The following EFCAB8 variants were observed in gnomAD, a reference collection of about 807,000 sequenced individuals.
EFCAB8 encodes EF-hand calcium-binding domain-containing protein 8.
A neutral mutation model predicts 116.3 loss-of-function variants in EFCAB8; 100 were observed. The ratio of observed to expected loss-of-function variants is 0.86; its 90% CI spans 0.73 to 1.02. EFCAB8 has a LOEUF of 1.02. Among genes scored for constraint, EFCAB8 ranks in the 50% least tolerant of loss-of-function variants. The probability of loss-of-function intolerance (pLI) is 0.00; values close to 1 mark genes in which losing one functional copy is unlikely to be tolerated. For missense variants in EFCAB8, 1,320 were observed against 1,416.9 expected, an observed-to-expected ratio of 0.93 and a Z score of 1.10; for synonymous variants, 558 against 567.9, an observed-to-expected ratio of 0.98 and a Z score of 0.25.
chr20:32,944,414 G>A (rs1988516317), intron 23 of EFCAB8, among the ~76,000 whole-genome samples: 1 of 151,974 alleles, frequency 6.6e-6, no homozygotes, highest in Non-Finnish European at 1.5e-5. Flanking sequence ...GCAGTGAGCT[G>A]AGATCATGTC....
intron 11 of EFCAB8, among the ~76,000 whole-genome samples, chr20:32,905,750 A>T (rs1319169486): frequency 6.7e-6 from 1 of 149,044 alleles, no homozygotes; most frequent in Non-Finnish European, 1.5e-5. Flanking sequence ...ACAGAGTGAG[A>T]CTCCATCTCA....
intron 23 of EFCAB8, among the ~76,000 whole-genome samples, chr20:32,953,141 G>A (rs1006918751): frequency 6.6e-6 from 1 of 152,126 alleles, no homozygotes; most frequent in Non-Finnish European, 1.5e-5. Flanking sequence ...ATTGTAACAT[G>A]TGACAAGATA....
At chr20:32,893,541 C>T (rs946679969) in intron 9 of EFCAB8, among the ~76,000 whole-genome samples, 12 of 152,142 alleles carry the variant, frequency 7.9e-5, no homozygotes, top group Non-Finnish European at 1.5e-4. Context: ...GGAGGCTGTG[C>T]GGGTGCGGTC....
rs1984973665 is a variant in EFCAB8, at chr20:32,876,348, T to C, written c.327+304T>C. ...GTGCCCACCAACCTCCCATTTGGCT[T>C]GGGGGATTCAAGCTGGTACCACGAC... is the stretch of plus-strand genomic sequence containing the variant. On this transcript the variant is annotated intron_variant, in intron 4 of 26. Transcript: ENST00000400522. 3.3e-5 allele frequency among the ~76,000 whole-genome samples: 5 copies of C among 152,176 alleles called. No individual in the cohort carries two copies. In the South Asian group the frequency reaches 1.0e-3, roughly 32 times the overall value.
At chr20:32,946,554 C>T (rs374976960) in intron 23 of EFCAB8, among the ~76,000 whole-genome samples, 22 of 152,270 alleles carry the variant, frequency 1.4e-4, no homozygotes, top group African/African-American at 5.1e-4. Flanking sequence ...TGATGTCACC[C>T]ATTTTTTTGT....
intron 26 of EFCAB8, among the ~76,000 whole-genome samples, chr20:32,960,744 G>A (rs894852336): frequency 3.3e-5 from 5 of 152,176 alleles, no homozygotes; most frequent in Non-Finnish European, 5.9e-5. Flanking sequence ...AGATAACACC[G>A]AAGGCCATGC....
At position 32,889,394 on chromosome 20, in the gene EFCAB8, A is replaced by G. The variant is rs367659365; in HGVS notation, c.661A>G (p.Arg221Gly). 9 of 1,551,866 alleles carry G rather than the reference A, an allele frequency of 5.8e-6. No individual in the cohort carries two copies. Among genetic ancestry groups the G allele is most frequent in the Non-Finnish European group, 7.8e-6 (9 of 1,147,018 alleles). The change falls in exon 7 of 27, where the codon AGG becomes GGG. Residue 221 changes from arginine to glycine, a missense_variant. Physicochemically the swap from Arg to Gly is moderately radical, Grantham distance 125. Coordinates refer to ENST00000400522, the MANE Select transcript of EFCAB8 (RefSeq NM_001143967.2). ...GAACCTCGTTGCAGTTGCGTCTACCAGGCAAAAGATAGGTGAGTCCCTGGG... is the reference window on the plus strand; with the variant it reads ...GAACCTCGTTGCAGTTGCGTCTACCGGGCAAAAGATAGGTGAGTCCCTGGG... ...NMNLVAVAST[R>G]QKIDFFDISD...
At position 32,896,494 on chromosome 20, in the gene EFCAB8, G is replaced by T; in HGVS notation, c.924G>T (p.Glu308Asp). ...TTTCCTTGCAGAAACTCTTAAATGA[G>T]AAGTCTGCTTTGCATAGAAGCTACC... ...IKVSLQKLLNEKSALHRSYRL... is the reference protein window; with the variant it reads ...IKVSLQKLLNDKSALHRSYRL... The change falls in exon 10 of 27, where the codon GAG becomes GAT. Residue 308 changes from glutamate to aspartate, a missense_variant. Physicochemically the swap from Glu to Asp is conservative, Grantham distance 45. Coordinates refer to ENST00000400522, the MANE Select transcript of EFCAB8 (RefSeq NM_001143967.2). 1 of 719,014 alleles carries T rather than the reference G, an allele frequency of 1.4e-6. No individual in the cohort carries two copies. Among genetic ancestry groups the T allele is most frequent in the Non-Finnish European group, 2.6e-6 (1 of 385,184 alleles). The allele number at this position is 719,014 out of a possible 1,614,324, so 44.5% of individuals were successfully genotyped here.
At chr20:32,930,684 A>T (rs986561962) in intron 21 of EFCAB8, 68 bp downstream of exon 21, 8 of 1,444,518 alleles carry the variant, frequency 5.5e-6, no homozygotes, top group Non-Finnish European at 6.6e-6. Context: ...CTCTTTGCTC[A>T]CATGGCCCTT....
At position 32,867,582 on chromosome 20, in the gene EFCAB8, C is replaced by G; in HGVS notation, c.43C>G (p.Leu15Val). ...CTGGTTCTTGTTATATTCGTTCCAG[C>G]TGTCCATCCCACATGGCTTCCAGAA... Reference protein sequence around the residue: ...DLAEIPQLQKLSIPHGFQNKE... With the variant: ...DLAEIPQLQKVSIPHGFQNKE... The change falls in exon 3 of 27, where the codon CTG becomes GTG. Residue 15 changes from leucine (L) to valine (V), a missense_variant and splice_region_variant. Coordinates refer to ENST00000400522, the MANE Select transcript of EFCAB8 (RefSeq NM_001143967.2). 6.4e-7 allele frequency: 1 copy of G among 1,551,182 alleles called. No individual in the cohort carries two copies.
At chr20:32,878,941 T>C in intron 5 of EFCAB8, 134 bp downstream of exon 5, 1 of 717,894 alleles carries the variant, frequency 1.4e-6, no homozygotes, top group Admixed American at 2.5e-5. Context: ...TGCTGCCTGA[T>C]GTCCTTTGGC....
At chr20:32,917,135 G>T in intron 17 of EFCAB8, 166 bp from the exon 18 acceptor site, 1 of 608,402 alleles carries the variant, frequency 1.6e-6, no homozygotes, top group Non-Finnish European at 2.9e-6. Flanking sequence ...TGTAGTAAGC[G>T]CTTAGTAAAT....
At chr20:32,948,534 AAG>A (rs975282937) in intron 23 of EFCAB8, among the ~76,000 whole-genome samples, 5 of 120,360 alleles carry the variant, frequency 4.2e-5, no homozygotes, top group South Asian at 4.8e-4. Context: ...AAAAGAAAGA[AAG>A]AAAGAAAGAA....
At chr20:32,880,912 A>C (rs1323530627) in intron 5 of EFCAB8, among the ~76,000 whole-genome samples, 1 of 149,892 alleles carries the variant, frequency 6.7e-6, no homozygotes, top group African/African-American at 2.4e-5. Context: ...TATATATATA[A>C]AACACCACAG....
chr20:32,877,248 G>A (rs1393733345), intron 4 of EFCAB8, among the ~76,000 whole-genome samples: 19 of 121,460 alleles, frequency 1.6e-4, no homozygotes, highest in African/African-American at 5.7e-4. Context: ...TTGCTCTGTC[G>A]CCCAGGCTGG....
intron 23 of EFCAB8, among the ~76,000 whole-genome samples, chr20:32,954,005 C>G (rs1291605751): frequency 6.6e-6 from 1 of 152,122 alleles, no homozygotes; most frequent in East Asian, 1.9e-4. Flanking sequence ...AGAGTTTCAT[C>G]ACTTTGGCCA....
At position 32,867,668 on chromosome 20, in the gene EFCAB8, G is replaced by T. The variant is rs769618315; in HGVS notation, c.129G>T (p.Gln43His). Residue 43 changes from glutamine to histidine, a missense_variant, in exon 3 of 27, where the codon CAG (glutamine) becomes CAT (histidine). Physicochemically the swap from Gln to His is conservative, Grantham distance 24. Transcript: ENST00000400522. Reference sequence around the variant, plus strand: ...CCCTTAGCCAGGTGCCTGACCTCCAGCCTGGGTCCCAGCTGTTTACTGAGA... The same window carrying T: ...CCCTTAGCCAGGTGCCTGACCTCCATCCTGGGTCCCAGCTGTTTACTGAGA... ...SITLSQVPDL[Q>H]PGSQLFTEIH... 51 of 1,551,532 alleles carry T rather than the reference G, an allele frequency of 3.3e-5. No individual in the cohort carries two copies.
chr20:32,916,833 T>C (rs1184195993), intron 17 of EFCAB8, among the ~76,000 whole-genome samples: 1 of 152,100 alleles, frequency 6.6e-6, no homozygotes, highest in Non-Finnish European at 1.5e-5. Flanking sequence ...TGATTTCTTC[T>C]TGGGGGCGGT....
intron 13 of EFCAB8, 134 bp from the exon 14 acceptor site, chr20:32,908,141 A>G (rs1986763664): frequency 2.5e-6 from 2 of 803,014 alleles, no homozygotes; most frequent in Non-Finnish European, 3.4e-6. Flanking sequence ...TGCCAACACC[A>G]TGTGTGTGTG....
Sources: gnomAD v4.1 joint callset for allele counts (sites outside exome capture counted in the v4.1 genomes callset) on GRCh38, gnomAD v4.1.1 for gene constraint, MANE v1.5 for transcripts, NCBI Gene and HGNC (gene_info 2026-07-23, HGNC 2026-07-21) for gene names.